C13orf46: variants seen among roughly 807,000 people sequenced by gnomAD.
C13orf46 encodes the protein uncharacterized protein C13orf46.
chr13:113,930,405 GGCGC>G, the C13orf46 span, among the ~76,000 whole-genome samples: 440 of 151,320 alleles, frequency 2.9e-3, 3 homozygotes, highest in East Asian at 0.014. Flanking sequence ...CCGAGGCGGG[GGCGC>G]AGGAGCACCG....
chr13:113,933,169 G>GTTAA, the C13orf46 span, among the ~76,000 whole-genome samples: 1 of 152,304 alleles, frequency 6.6e-6, no homozygotes, highest in East Asian at 1.9e-4. Context: ...CCAGCCCAAA[G>GTTAA]TTAATTGTTG....
At chr13:113,961,314 A>G (rs1281265960) in intron 6 of C13orf46, among the ~76,000 whole-genome samples, 1 of 151,988 alleles carries the variant, frequency 6.6e-6, no homozygotes, top group Non-Finnish European at 1.5e-5. Flanking sequence ...AATATCAGTC[A>G]TAATTTTGAT....
chr13:113,966,508 GTGGTGATGA>G (rs1303676917), intron 5 of C13orf46, among the ~76,000 whole-genome samples: 2 of 148,252 alleles, frequency 1.3e-5, no homozygotes, highest in Non-Finnish European at 2.9e-5. Context: ...GATTATAATG[GTGGTGATGA>G]TGGTGAAGGT....
intron 6 of C13orf46, among the ~76,000 whole-genome samples, chr13:113,958,665 C>G (rs2052562474): frequency 6.6e-6 from 1 of 152,260 alleles, no homozygotes; most frequent in African/African-American, 2.4e-5. Context: ...GGGCGACAGC[C>G]TCAGTGCACA....
the C13orf46 span, among the ~76,000 whole-genome samples, chr13:113,945,535 A>G: frequency 2.1e-5 from 3 of 142,082 alleles, no homozygotes; most frequent in Non-Finnish European, 3.1e-5. Flanking sequence ...CAGAGCGAGA[A>G]TCTGAGAAAG....
rs2052533807 is a variant in C13orf46, at chr13:113,956,343, GTAGTAT to G, written c.*424_*429del. The G allele has an allele frequency of 7.1e-5, 10 of 141,470 alleles. No individual in the cohort carries two copies. Among genetic ancestry groups the G allele is most frequent in the African/African-American group, 3.3e-4 (10 of 30,742 alleles). The allele number at this position is 141,470 out of a possible 1,614,324, so 8.8% of individuals were successfully genotyped here. A position where few individuals can be genotyped will look rare whatever the true frequency, so the allele number is the denominator to read the frequency against. On this transcript the variant is annotated 3_prime_UTR_variant, in exon 7 of 7. Coordinates refer to ENST00000636427, the MANE Select transcript of C13orf46 (RefSeq NM_001365455.2). ...GAGGAGTAGTATCTGGTGGAGAGGAGTAGTATCTGGTGGAGAGGAGGAGCATCTGGT... is the reference window on the plus strand; with the variant it reads ...GAGGAGTAGTATCTGGTGGAGAGGAGCTGGTGGAGAGGAGGAGCATCTGGT...
At chr13:113,945,769 T>G in the C13orf46 span, among the ~76,000 whole-genome samples, 1 of 152,220 alleles carries the variant, frequency 6.6e-6, no homozygotes, top group Non-Finnish European at 1.5e-5. Flanking sequence ...ATTTTGTTCC[T>G]CCCTTGGGAG....
chr13:113,933,338 G>C, the C13orf46 span, among the ~76,000 whole-genome samples: 1 of 152,224 alleles, frequency 6.6e-6, no homozygotes, highest in Non-Finnish European at 1.5e-5. Flanking sequence ...TAAATGAGTA[G>C]TGGCCATAGA....
At chr13:113,963,177 G>C (rs879246069) in intron 6 of C13orf46, among the ~76,000 whole-genome samples, 91,631 of 149,208 alleles carry the variant, frequency 0.61, 28,880 homozygotes, top group Non-Finnish European at 0.7. Flanking sequence ...CAGCCTCCCC[G>C]CTATCCTCAG....
the C13orf46 span, among the ~76,000 whole-genome samples, chr13:113,946,399 T>C: frequency 0.34 from 52,218 of 152,102 alleles, 9,019 homozygotes; most frequent in South Asian, 0.35. Context: ...TCCTGGGAAC[T>C]GAAGGGCGTC....
chr13:113,947,371 G>A, the C13orf46 span, among the ~76,000 whole-genome samples: 1 of 152,110 alleles, frequency 6.6e-6, no homozygotes, highest in Non-Finnish European at 1.5e-5. Flanking sequence ...CCCAGAACCC[G>A]CTCCAGATGG....
the C13orf46 span, among the ~76,000 whole-genome samples, chr13:113,942,617 C>A: frequency 1.3e-5 from 2 of 152,184 alleles, no homozygotes; most frequent in African/African-American, 2.4e-5. Context: ...CAGCAAAATC[C>A]ATGCCCAGCC....
chr13:113,938,419 G>T, the C13orf46 span, among the ~76,000 whole-genome samples: 1 of 152,334 alleles, frequency 6.6e-6, no homozygotes, highest in Middle Eastern at 3.4e-3. Flanking sequence ...TCAGCCTCCA[G>T]AGACGGCAGC....
chr13:113,944,265 T>C, the C13orf46 span, among the ~76,000 whole-genome samples: 2 of 152,096 alleles, frequency 1.3e-5, no homozygotes, highest in African/African-American at 4.8e-5. Flanking sequence ...CAGCTCCCCA[T>C]GTCCAGGGTC....
At chr13:113,951,085 G>A (rs2052486804), downstream of C13orf46, among the ~76,000 whole-genome samples, 1 of 152,240 alleles carries the variant, frequency 6.6e-6, no homozygotes, top group Non-Finnish European at 1.5e-5. Context: ...GAGGCCTGTG[G>A]GGCCCTCATG....
At chr13:113,937,066 T>C in the C13orf46 span, among the ~76,000 whole-genome samples, 3 of 152,330 alleles carry the variant, frequency 2.0e-5, no homozygotes, top group Non-Finnish European at 2.9e-5. Context: ...ATTTAAGCTA[T>C]AAACTAAATG....
intron 6 of C13orf46, among the ~76,000 whole-genome samples, chr13:113,958,131 T>C (rs2052557042): frequency 6.8e-6 from 1 of 146,170 alleles, no homozygotes; most frequent in Non-Finnish European, 1.5e-5. Context: ...GCACTCCACA[T>C]GCACCCCCTT....
At chr13:113,963,283 G>GCCCCTGTCCTCAGCTTCA (rs1352372820) in intron 6 of C13orf46, among the ~76,000 whole-genome samples, 1 of 94,520 alleles carries the variant, frequency 1.1e-5, no homozygotes, top group African/African-American at 3.6e-5. Flanking sequence ...CTCAGCCTCG[G>GCCCCTGTCCTCAGCTTCA]CCCCTGTCCT....
At position 113,954,360 on chromosome 13, in the gene C13orf46, CGT is replaced by C. The variant is rs1432417236; in HGVS notation, c.*2411_*2412del. ...GTGTACATATGAATATGCACGTGTG[CGT>C]GTCTGAACGAGAGGGCTCTGGGTGG... is the stretch of plus-strand genomic sequence containing the variant. On this transcript the variant is annotated 3_prime_UTR_variant, in exon 7 of 7. Coordinates refer to ENST00000636427, the MANE Select transcript of C13orf46 (RefSeq NM_001365455.2). 4 of 152,412 alleles carry C rather than the reference CGT, an allele frequency of 2.6e-5. No homozygotes were observed. The highest frequency in any genetic ancestry group is 5.9e-5 in the Non-Finnish European group (4 of 68,202). The allele number at this position is 152,412 out of a possible 1,614,324, so 9.4% of individuals were successfully genotyped here.
Sources: gnomAD v4.1 joint callset for allele counts (sites outside exome capture counted in the v4.1 genomes callset) on GRCh38, gnomAD v4.1.1 for gene constraint, MANE v1.5 for transcripts, NCBI Gene and HGNC (gene_info 2026-07-23, HGNC 2026-07-21) for gene names.